FLRT1: variants seen among roughly 807,000 people sequenced by gnomAD.
FLRT1 encodes leucine-rich repeat transmembrane protein FLRT1.
FLRT1 carries 14 observed loss-of-function variants against 30.9 expected under a neutral mutation model. The ratio of observed to expected loss-of-function variants is 0.45; its 90% CI spans 0.30 to 0.71. The LOEUF is 0.71. FLRT1 is among the 30% of genes least tolerant of loss of function. FLRT1 has a pLI of 0.08. For missense variants in FLRT1, 737 were observed against 949.2 expected (o/e 0.78, Z 2.94); for synonymous variants, 368 against 430.4 (o/e 0.85, Z 1.80).
chr11:64,084,807 G>A (rs371822468), intron 1 of FLRT1, among the ~76,000 whole-genome samples: 19 of 152,300 alleles, frequency 1.2e-4, no homozygotes, highest in East Asian at 5.8e-4. Flanking sequence ...ACCAAGAACC[G>A]TAGCCCCAAG....
Position 64,117,404 on chromosome 11 carries a change from T to C in FLRT1, c.1137T>C (p.Phe379=). ...TTACCAGCGAGATGGACGAGTGTTT[T>C]GAGACGGGGCCGCAGGGCGGCGTGG... The part of the protein sequence containing the change: ...KDITSEMDEC[F]ETGPQGGVAN... Residue 379 remains phenylalanine, a synonymous_variant, in exon 3 of 3, where the codon TTT becomes TTC. Coordinates refer to ENST00000682287, the MANE Select transcript of FLRT1 (RefSeq NM_013280.5). 6.2e-7 allele frequency: 1 copy of C among 1,612,286 alleles called. No homozygotes were observed. The highest frequency in any genetic ancestry group is 1.7e-4 in the Middle Eastern group (1 of 6,056).
rs1945053070 is a variant in FLRT1, at chr11:64,119,150, G to A, written c.*858G>A. 1 of 167,224 alleles carries A rather than the reference G, an allele frequency of 6.0e-6. No homozygotes were observed. The highest frequency in any genetic ancestry group is 2.1e-4 in the South Asian group (1 of 4,826). 10.4% of individuals were successfully genotyped at this position (167,224 alleles called of 1,614,324 possible). On this transcript the variant is annotated 3_prime_UTR_variant, in exon 3 of 3. Coordinates refer to ENST00000682287, the MANE Select transcript of FLRT1 (RefSeq NM_013280.5). ...CTTGGGTCAGTTCTTACCATTTCCT[G>A]AACAATAGAATTGTGAAAGTGTTGC...
chr11:64,041,227 A>C (rs959268730), intron 1 of FLRT1, among the ~76,000 whole-genome samples: 1 of 149,746 alleles, frequency 6.7e-6, no homozygotes, highest in Non-Finnish European at 1.5e-5. Context: ...AAAAAAAAAA[A>C]AAGCATGAGC....
chr11:64,094,425 C>T (rs1944541237), intron 1 of FLRT1, among the ~76,000 whole-genome samples: 1 of 131,708 alleles, frequency 7.6e-6, no homozygotes, highest in African/African-American at 2.6e-5. Context: ...AGTGAGACTC[C>T]AACTTAAAAA....
chr11:64,076,984 GTGACGGATGGGAGC>G (rs1944213333), intron 1 of FLRT1, among the ~76,000 whole-genome samples: 1 of 152,146 alleles, frequency 6.6e-6, no homozygotes, highest in South Asian at 2.1e-4. Context: ...ATAGGGCTGA[GTGACGGATGGGAGC>G]TGTCGCTAGG....
chr11:64,101,451 CGGCCACAGCTGACTGGAGCCTCTG>C (rs771480703), intron 1 of FLRT1, among the ~76,000 whole-genome samples: 62 of 152,232 alleles, frequency 4.1e-4, no homozygotes, highest in Non-Finnish European at 8.2e-4. Context: ...CGGGAGGCAG[CGGCCACAGCTGACTGGAGCCTCTG>C]GGCTCCCAGG....
At chr11:64,040,227 T>C (rs1383118163) in intron 1 of FLRT1, among the ~76,000 whole-genome samples, 1 of 143,284 alleles carries the variant, frequency 7.0e-6, no homozygotes, top group Non-Finnish European at 1.5e-5. Context: ...AGGCGCAAAG[T>C]GGTGAGGTCA....
chr11:64,048,210 C>G (rs1387083939), intron 1 of FLRT1, among the ~76,000 whole-genome samples: 1 of 152,222 alleles, frequency 6.6e-6, no homozygotes, highest in Non-Finnish European at 1.5e-5. Flanking sequence ...GAGCCGGGGG[C>G]CTTCGAGGAG....
chr11:64,037,990 C>G (rs1228418008), intron 1 of FLRT1, among the ~76,000 whole-genome samples: 13 of 152,232 alleles, frequency 8.5e-5, no homozygotes, highest in Admixed American at 8.5e-4. Flanking sequence ...CTGAGGGTAT[C>G]TGCAGGGACT....
intron 1 of FLRT1, among the ~76,000 whole-genome samples, chr11:64,044,044 A>G (rs539591762): frequency 1.3e-5 from 2 of 151,646 alleles, no homozygotes; most frequent in East Asian, 3.9e-4. Flanking sequence ...CGAACTCCTG[A>G]CCCTCAGGTG....
chr11:64,051,907 C>T (rs1943702352), intron 1 of FLRT1, among the ~76,000 whole-genome samples: 2 of 151,850 alleles, frequency 1.3e-5, no homozygotes, highest in South Asian at 4.2e-4. Flanking sequence ...TCGGGGGCTG[C>T]AAGAGAGGTA....
chr11:64,050,686 A>C (rs1392563831), intron 1 of FLRT1, among the ~76,000 whole-genome samples: 6 of 152,152 alleles, frequency 3.9e-5, no homozygotes, highest in Admixed American at 6.5e-5. Flanking sequence ...TGGCGCGATC[A>C]TGGCTCACTG....
chr11:64,090,801 CTCTGGGGCTCTGCAGAA>C lies in FLRT1; in HGVS notation c.-1037-12392_-1037-12376del, dbSNP rs1259042406. On this transcript the variant is annotated intron_variant, in intron 1 of 2. Coordinates refer to ENST00000682287, the MANE Select transcript of FLRT1 (RefSeq NM_013280.5). This position sits in a 1 kb window ranked among gnomAD's most constrained non-coding sequence, Gnocchi z 4.7. ...TCTCCACCAGGCACTTGGGGTTTGT[CTCTGGGGCTCTGCAGAA>C]GCAGAGCCCGAGTCGGGTCCAGCCC... Among the ~76,000 whole-genome samples the C allele has an allele frequency of 9.9e-5, 15 of 152,012 alleles. No homozygotes were observed. The highest frequency in any genetic ancestry group is 1.5e-4 in the Non-Finnish European group (10 of 68,006).
At position 64,106,256 on chromosome 11, in the gene FLRT1, C is replaced by G. The variant is rs1243992228; in HGVS notation, c.-50+2075C>G. On this transcript the variant is annotated intron_variant, in intron 2 of 2. Coordinates refer to ENST00000682287, the MANE Select transcript of FLRT1 (RefSeq NM_013280.5). ...ACAATCCAGACCTTTCCCTTTGCCT[C>G]TTTGGGCTGCTGTGGTGAGGGCACC... Among the ~76,000 whole-genome samples, 2 of 152,104 alleles carry G rather than the reference C, an allele frequency of 1.3e-5. 1 individual carries two copies. Among genetic ancestry groups the G allele is most frequent in the Non-Finnish European group, 2.9e-5 (2 of 68,002 alleles).
chr11:64,097,083 G>A (rs1336212573), intron 1 of FLRT1, among the ~76,000 whole-genome samples: 1 of 152,222 alleles, frequency 6.6e-6, no homozygotes, highest in Non-Finnish European at 1.5e-5. Flanking sequence ...CGGGGATGGC[G>A]GTGCCCACTG....
rs1240891060 is a variant in FLRT1 at position 64,090,374 on chromosome 11, A to T, written c.-1037-12820A>T. ...AAGCCACAAATAAGTAAACTCAGGC[A>T]GCAGGGCACAATTACTGAGCCTGGT... On this transcript the variant is annotated intron_variant, in intron 1 of 2. Coordinates refer to ENST00000682287, the MANE Select transcript of FLRT1 (RefSeq NM_013280.5). The surrounding 1 kb of genome is among the most constrained non-coding windows in gnomAD (Gnocchi z 4.7). Among the ~76,000 whole-genome samples the T allele has an allele frequency of 6.6e-6, 1 of 152,258 alleles. No homozygotes were observed. The highest frequency in any genetic ancestry group is 1.5e-5 in the Non-Finnish European group (1 of 68,044).
intron 1 of FLRT1, among the ~76,000 whole-genome samples, chr11:64,092,413 C>G (rs2134527594): frequency 6.6e-6 from 1 of 152,302 alleles, no homozygotes; most frequent in East Asian, 1.9e-4. Context: ...GGGCTCTGAC[C>G]CTGCCTATGG....
At chr11:64,085,561 C>G (rs1944379020) in intron 1 of FLRT1, among the ~76,000 whole-genome samples, 1 of 152,204 alleles carries the variant, frequency 6.6e-6, no homozygotes, top group African/African-American at 2.4e-5. Context: ...AGTACGTCCC[C>G]TGCCGCCCGC....
At chr11:64,077,417 G>A (rs564732241) in intron 1 of FLRT1, among the ~76,000 whole-genome samples, 327 of 152,218 alleles carry the variant, frequency 2.1e-3, no homozygotes, top group Middle Eastern at 3.4e-3. Flanking sequence ...GCTGTGCCCC[G>A]TCCTCGGATT....
Sources: allele counts gnomAD v4.1 joint callset (sites outside exome capture counted in the v4.1 genomes callset), GRCh38; gene constraint gnomAD v4.1.1; non-coding constraint Gnocchi (gnomAD v3.1); transcripts MANE v1.5; gene names NCBI Gene and HGNC (gene_info 2026-07-23, HGNC 2026-07-21).